POLR3B: variants seen among roughly 807,000 people sequenced by gnomAD.
POLR3B encodes RNA polymerase III subunit B.
A neutral mutation model predicts 147.4 loss-of-function variants in POLR3B; 96 were observed. That is an observed-to-expected ratio of 0.65 (90% CI 0.55 to 0.77). The LOEUF (loss-of-function observed/expected upper bound fraction) is 0.77. POLR3B is among the 30% of genes least tolerant of loss of function. The probability of loss-of-function intolerance (pLI) is 0.00; values close to 1 mark genes in which losing one functional copy is unlikely to be tolerated. For synonymous variants in POLR3B, 461 were observed against 485.9 expected, an observed-to-expected ratio of 0.95 and a Z score of 0.67; for missense variants, 1,036 against 1,413.5, an observed-to-expected ratio of 0.73 and a Z score of 4.28.
rs368051175 is a variant in POLR3B, at chr12:106,497,136, A to ATT, written c.2984+230_2984+231dup. Reference sequence around the variant, plus strand: ...AGTTTTTCATGATTTAAAAAAAAAAATTTTTTTTTTTTTAGCTCATCAGCT... The same window carrying ATT: ...AGTTTTTCATGATTTAAAAAAAAAAATTTTTTTTTTTTTTTAGCTCATCAGCT... On this transcript the variant is annotated intron_variant, in intron 25 of 27. Coordinates refer to ENST00000228347, the MANE Select transcript of POLR3B (RefSeq NM_018082.6). 7.6e-5 allele frequency among the ~76,000 whole-genome samples: 8 copies of ATT among 105,046 alleles called. 1 individual carries two copies. The highest frequency in any genetic ancestry group is 1.7e-4 in the African/African-American group (6 of 36,266). 68.9% of individuals were successfully genotyped at this position (105,046 alleles called of 152,430 possible).
intron 18 of POLR3B, among the ~76,000 whole-genome samples, chr12:106,443,923 CAAGCAATTCTCCTGCCT>C: frequency 6.6e-6 from 1 of 152,304 alleles, no homozygotes; most frequent in Admixed American, 6.5e-5. Flanking sequence ...CTCCCGGGTT[CAAGCAATTCTCCTGCCT>C]CAGCCTCCCA....
chr12:106,499,751 A>G (rs2038565331), intron 25 of POLR3B, among the ~76,000 whole-genome samples: 1 of 152,172 alleles, frequency 6.6e-6, no homozygotes, highest in Non-Finnish European at 1.5e-5. Flanking sequence ...AAACCAAGAC[A>G]AGGACAGGGT....
At chr12:106,371,395 T>A (rs1467351400) in intron 6 of POLR3B, among the ~76,000 whole-genome samples, 1 of 152,100 alleles carries the variant, frequency 6.6e-6, no homozygotes, top group Non-Finnish European at 1.5e-5. Flanking sequence ...TCCTCAGGGA[T>A]CTAGAACTAG....
chr12:106,426,412 G>A (rs538302108), intron 12 of POLR3B, among the ~76,000 whole-genome samples: 5 of 152,052 alleles, frequency 3.3e-5, no homozygotes, highest in South Asian at 4.2e-4. Flanking sequence ...CACCAGACCC[G>A]GCTAATTTTT....
At chr12:106,501,136 A>G (rs960320307) in intron 25 of POLR3B, among the ~76,000 whole-genome samples, 187 bp from the exon 26 acceptor site, 1 of 152,226 alleles carries the variant, frequency 6.6e-6, no homozygotes, top group Non-Finnish European at 1.5e-5. Flanking sequence ...AAAGCCATTT[A>G]TCTTTAAATA....
chr12:106,489,648 T>C (rs2038383448), intron 23 of POLR3B, among the ~76,000 whole-genome samples: 1 of 152,150 alleles, frequency 6.6e-6, no homozygotes, highest in Non-Finnish European at 1.5e-5. Context: ...AAGGAGAAAG[T>C]TTATCTGTTA....
intron 12 of POLR3B, among the ~76,000 whole-genome samples, chr12:106,426,578 G>A (rs2037439302): frequency 6.6e-6 from 1 of 151,978 alleles, no homozygotes; most frequent in Non-Finnish European, 1.5e-5. Context: ...GCCTCCCAAA[G>A]TGCTGGGATT....
intron 12 of POLR3B, 124 bp from the exon 13 acceptor site, chr12:106,427,072 AT>A (rs902631967): frequency 1.5e-5 from 10 of 686,344 alleles, no homozygotes; most frequent in South Asian, 1.9e-5. Context: ...GAAAATAGCA[AT>A]TTTTTTTCTG....
chr12:106,457,422 C>T (rs1325841610), intron 21 of POLR3B, 126 bp downstream of exon 21: 15 of 729,692 alleles, frequency 2.1e-5, no homozygotes, highest in East Asian at 1.9e-4. Flanking sequence ...CATCCAAACT[C>T]AACCAATGAG....
intron 23 of POLR3B, among the ~76,000 whole-genome samples, chr12:106,488,192 T>G (rs538802891): frequency 6.6e-6 from 1 of 152,340 alleles, no homozygotes; most frequent in Non-Finnish European, 1.5e-5. Flanking sequence ...TACTGAGACA[T>G]TCAAAGAATC....
rs1184440357 is a variant in POLR3B, at chr12:106,426,450, C to T, written c.1102-747C>T. 3.3e-5 allele frequency among the ~76,000 whole-genome samples: 5 copies of T among 151,836 alleles called. No homozygotes were observed. The South Asian group carries it at 8.3e-4, about 25-fold the overall frequency. ...ATTTTTAGTAGAGACAGGGTTTCAC[C>T]ATCTTGGCCAGGCTGGTCTTGAACT... On this transcript the variant is annotated intron_variant, in intron 12 of 27. Transcript: ENST00000228347.
intron 21 of POLR3B, among the ~76,000 whole-genome samples, chr12:106,458,431 G>C (rs2037892627): frequency 6.6e-6 from 1 of 152,086 alleles, no homozygotes; most frequent in Non-Finnish European, 1.5e-5. Context: ...TTTTCATTAT[G>C]ATCCTAAAAG....
intron 23 of POLR3B, among the ~76,000 whole-genome samples, chr12:106,478,507 CT>C (rs950171693): frequency 6.7e-5 from 10 of 149,162 alleles, no homozygotes; most frequent in African/African-American, 1.2e-4. Context: ...TGTCTTGCTA[CT>C]TTTTTTTTTC....
chr12:106,442,585 C>T (rs987995947), intron 18 of POLR3B, among the ~76,000 whole-genome samples: 7 of 152,118 alleles, frequency 4.6e-5, no homozygotes, highest in Non-Finnish European at 8.8e-5. Context: ...ATGGAAGGCA[C>T]TTTCTCTCAC....
At chr12:106,478,187 G>A (rs757610073) in intron 23 of POLR3B, among the ~76,000 whole-genome samples, 4 of 152,012 alleles carry the variant, frequency 2.6e-5, no homozygotes, top group African/African-American at 7.2e-5. Flanking sequence ...GATTACAGAC[G>A]TGAGCCACCA....
At chr12:106,408,841 T>C (rs1216399239) in intron 11 of POLR3B, among the ~76,000 whole-genome samples, 1 of 152,194 alleles carries the variant, frequency 6.6e-6, no homozygotes, top group Non-Finnish European at 1.5e-5. Flanking sequence ...AAAAATATGC[T>C]AAGTATTAAC....
chr12:106,509,845 GA>G lies in POLR3B; in HGVS notation c.*297del. The G allele has an allele frequency of 3.0e-6, 1 of 332,266 alleles. No individual in the cohort carries two copies. 20.6% of individuals were successfully genotyped at this position (332,266 alleles called of 1,614,324 possible). A position where few individuals can be genotyped will look rare whatever the true frequency, so the allele number is the denominator to read the frequency against. ...GCTATTACTTATGTGCTGATCTCTT[GA>G]CATTCACTCATTAGAAGACCTTACT... On this transcript the variant is annotated 3_prime_UTR_variant, in exon 28 of 28. Coordinates refer to ENST00000228347, the MANE Select transcript of POLR3B (RefSeq NM_018082.6).
intron 10 of POLR3B, among the ~76,000 whole-genome samples, chr12:106,399,516 G>A (rs369089076): frequency 4.6e-5 from 7 of 152,098 alleles, no homozygotes; most frequent in Non-Finnish European, 7.3e-5. Flanking sequence ...ACTCCAAGAC[G>A]CATAATTGTC....
chr12:106,437,032 A>T, intron 16 of POLR3B, 25 bp from the exon 17 acceptor site: 1 of 1,585,914 alleles, frequency 6.3e-7, no homozygotes, highest in Non-Finnish European at 8.7e-7. Context: ...ACTATTATTA[A>T]TTTGGTTTGC....
Sources: gnomAD v4.1 joint callset for allele counts (sites outside exome capture counted in the v4.1 genomes callset) on GRCh38, gnomAD v4.1.1 for gene constraint, MANE v1.5 for transcripts, NCBI Gene and HGNC (gene_info 2026-07-23, HGNC 2026-07-21) for gene names.